MYLK: variants seen among roughly 807,000 people sequenced by gnomAD.
The protein encoded by MYLK is myosin light chain kinase, smooth muscle.
MYLK carries 106 observed loss-of-function variants against 203.4 expected under a neutral mutation model. The observed-to-expected ratio is 0.52, with a 90% CI of 0.45 to 0.61. The LOEUF is 0.61. Ranked by LOEUF, MYLK falls within the 20% of genes least tolerant of loss-of-function variation. The pLI is 0.00. For missense variants in MYLK, 2,072 were observed against 2,442.3 expected, an observed-to-expected ratio of 0.85 and a Z score of 3.20; for synonymous variants, 867 against 959.5, an observed-to-expected ratio of 0.90 and a Z score of 1.78.
chr3:123,742,755 G>A (rs1033616953), intron 5 of MYLK, among the ~76,000 whole-genome samples: 1 of 152,210 alleles, frequency 6.6e-6, no homozygotes, highest in Non-Finnish European at 1.5e-5. Context: ...TAAAGAAAAT[G>A]TGGTGCATCC....
At chr3:123,724,273 C>G (rs186541501) in intron 12 of MYLK, among the ~76,000 whole-genome samples, 10 of 151,872 alleles carry the variant, frequency 6.6e-5, no homozygotes, top group African/African-American at 2.4e-4. Context: ...TGGGCCACTG[C>G]GCCCAGCCTC....
At position 123,640,149 on chromosome 3, in the gene MYLK, G is replaced by A; in HGVS notation, c.4837+138C>T. ...ACTGTCACGTCTAGTATGTGGTAGG[G>A]GCAGGATTCAAACCTGGGAAGTCTT... On this transcript the variant is annotated intron_variant, in intron 28 of 33. Transcript: ENST00000360304. The surrounding 1 kb of genome is among the most constrained non-coding windows in gnomAD (Gnocchi z 4.3). 1 of 781,846 alleles carries A rather than the reference G, an allele frequency of 1.3e-6. No individual in the cohort carries two copies. Among genetic ancestry groups the A allele is most frequent in the Non-Finnish European group, 2.2e-6 (1 of 457,302 alleles). The allele number at this position is 781,846 out of a possible 1,614,324, so 48.4% of individuals were successfully genotyped here.
intron 3 of MYLK, among the ~76,000 whole-genome samples, chr3:123,812,478 C>A (rs1028689132): frequency 2.0e-5 from 3 of 152,188 alleles, no homozygotes; most frequent in Admixed American, 1.3e-4. Flanking sequence ...TCTAGCCTGG[C>A]CTCTAAAGCA....
At chr3:123,850,786 T>C (rs2030692903) in intron 2 of MYLK, among the ~76,000 whole-genome samples, 2 of 152,168 alleles carry the variant, frequency 1.3e-5, no homozygotes, top group South Asian at 2.1e-4. Context: ...TTGTTGCCAC[T>C]GCTTTTGGTG....
chr3:123,748,799 G>A (rs998829733), intron 5 of MYLK, among the ~76,000 whole-genome samples: 2 of 152,096 alleles, frequency 1.3e-5, no homozygotes, highest in Non-Finnish European at 2.9e-5. Flanking sequence ...GGCCGGGCAC[G>A]GTGGCTCACA....
chr3:123,670,422 T>C (rs1212256630), intron 20 of MYLK, among the ~76,000 whole-genome samples: 1 of 152,034 alleles, frequency 6.6e-6, no homozygotes, highest in Non-Finnish European at 1.5e-5. Context: ...AGGGCTGATA[T>C]TGGACAGCAG....
At chr3:123,793,226 A>C (rs188236254) in intron 4 of MYLK, among the ~76,000 whole-genome samples, 1 of 152,188 alleles carries the variant, frequency 6.6e-6, no homozygotes, top group East Asian at 1.9e-4. Context: ...AGGTCCTATC[A>C]CTGCTCCGGG....
chr3:123,776,999 G>A (rs558058453), intron 4 of MYLK, among the ~76,000 whole-genome samples: 7 of 152,204 alleles, frequency 4.6e-5, no homozygotes, highest in Non-Finnish European at 7.3e-5. Context: ...AATAAAGACC[G>A]AGAGCAAAGC....
intron 4 of MYLK, among the ~76,000 whole-genome samples, chr3:123,768,761 G>T (rs1292106083): frequency 1.3e-5 from 2 of 152,234 alleles, no homozygotes; most frequent in African/African-American, 4.8e-5. Context: ...TCACACATCA[G>T]ATTTTTCCTC....
chr3:123,730,127 G>A (rs2062425726), intron 11 of MYLK, among the ~76,000 whole-genome samples: 1 of 152,006 alleles, frequency 6.6e-6, no homozygotes, highest in Admixed American at 6.6e-5. Flanking sequence ...TACTCAGGAG[G>A]CGAGGCAGGA....
At chr3:123,633,706 C>A (rs1329628730) in intron 29 of MYLK, among the ~76,000 whole-genome samples, 1 of 152,204 alleles carries the variant, frequency 6.6e-6, no homozygotes, top group Non-Finnish European at 1.5e-5. Context: ...ATTCTAATTT[C>A]TTAATTCTCA....
rs1032870174 is a variant in MYLK at position 123,638,733 on chromosome 3, G to A, written c.4838-539C>T. The A allele has an allele frequency of 3.6e-5, 35 of 984,840 alleles. 1 individual carries two copies. The Admixed American group carries it at 1.2e-3, about 35-fold the overall frequency. 61.0% of individuals were successfully genotyped at this position (984,840 alleles called of 1,614,324 possible). A position where few individuals can be genotyped will look rare whatever the true frequency, so the allele number is the denominator to read the frequency against. On this transcript the variant is annotated intron_variant, in intron 28 of 33. Transcript: ENST00000360304. Reference sequence around the variant, plus strand: ...CAACTCCTGAGCCATGCTTACCACCGTTCCTCCCTCCTGCCTCTCCTACTC... The same window carrying A: ...CAACTCCTGAGCCATGCTTACCACCATTCCTCCCTCCTGCCTCTCCTACTC...
intron 11 of MYLK, among the ~76,000 whole-genome samples, chr3:123,730,005 T>C (rs1203032899): frequency 6.6e-6 from 1 of 150,968 alleles, no homozygotes; most frequent in Admixed American, 6.6e-5. Flanking sequence ...AGTGGGAGGA[T>C]CACTCAAGTC....
At chr3:123,790,570 A>G (rs569786760) in intron 4 of MYLK, among the ~76,000 whole-genome samples, 2 of 152,342 alleles carry the variant, frequency 1.3e-5, no homozygotes, top group African/African-American at 4.8e-5. Flanking sequence ...AAGTCACTAG[A>G]TAGAAAGAGG....
chr3:123,666,453 C>T (rs766412015), intron 21 of MYLK, 107 bp from the exon 22 acceptor site: 367 of 1,510,522 alleles, frequency 2.4e-4, no homozygotes, highest in Middle Eastern at 1.4e-3. Context: ...TCTTGGCTTC[C>T]GGAACCTTCA....
chr3:123,876,040 T>C lies in MYLK; in HGVS notation c.-127+519A>G, dbSNP rs113478633. The stretch of plus-strand genomic sequence containing the variant: ...ATATTCCTCAGACTTATTCTGTCAA[T>C]CCTAAAGGTGCCAAAAATGTCAAAA... On this transcript the variant is annotated intron_variant, in intron 2 of 33. Coordinates refer to ENST00000360304, the MANE Select transcript of MYLK (RefSeq NM_053025.4). Among the ~76,000 whole-genome samples the C allele has an allele frequency of 3.4e-3, 521 of 152,210 alleles. 1 individual carries two copies. The highest frequency in any genetic ancestry group is 0.012 in the African/African-American group (500 of 41,528).
In MYLK at chr3:123,649,198, G is replaced by GT; in HGVS notation, c.4289-5_4289-4insA. On this transcript the variant is annotated splice_polypyrimidine_tract_variant and splice_region_variant and intron_variant, in intron 24 of 33. Transcript: ENST00000360304. ...ACCTCCACTTCATCCTTCGGCTCTG[G>GT]GGGGGGCACAAGGAAGGACAGAGAG... 1.2e-6 allele frequency: 2 copies of GT among 1,612,182 alleles called. No homozygotes were observed. The highest frequency in any genetic ancestry group is 1.7e-6 in the Non-Finnish European group (2 of 1,179,862).
At chr3:123,698,655 C>T (rs2061037565) in intron 18 of MYLK, among the ~76,000 whole-genome samples, 1 of 152,144 alleles carries the variant, frequency 6.6e-6, no homozygotes, top group African/African-American at 2.4e-5. Context: ...TGAGGACATC[C>T]ACATGGAAAA....
At chr3:123,881,150 G>C (rs1038293921) in intron 1 of MYLK, among the ~76,000 whole-genome samples, 1 of 152,102 alleles carries the variant, frequency 6.6e-6, no homozygotes, top group Non-Finnish European at 1.5e-5. Context: ...TAGGAGGCTG[G>C]GGGAGCACAG....
Sources: allele counts gnomAD v4.1 joint callset (sites outside exome capture counted in the v4.1 genomes callset), GRCh38; gene constraint gnomAD v4.1.1; non-coding constraint Gnocchi (gnomAD v3.1); transcripts MANE v1.5; gene names NCBI Gene and HGNC (gene_info 2026-07-23, HGNC 2026-07-21).